NMNAT1: variants seen among roughly 807,000 people sequenced by gnomAD.
The protein encoded by NMNAT1 is nicotinamide/nicotinic acid mononucleotide adenylyltransferase 1.
A neutral mutation model predicts 16.7 loss-of-function variants in NMNAT1; 11 were observed. That is an observed-to-expected ratio of 0.66 (90% CI 0.41 to 1.09). The LOEUF (loss-of-function observed/expected upper bound fraction) is 1.09. NMNAT1 is among the 50% of genes least tolerant of loss of function. The pLI, the probability that NMNAT1 is intolerant of heterozygous loss-of-function variation, is 0.00. For synonymous variants in NMNAT1, 110 were observed against 119.8 expected, an observed-to-expected ratio of 0.92 and a Z score of 0.53; for missense variants, 280 against 332.3, an observed-to-expected ratio of 0.84 and a Z score of 1.22.
At chr1:9,979,932 GA>G (rs919359917) in intron 3 of NMNAT1, among the ~76,000 whole-genome samples, 5 of 142,728 alleles carry the variant, frequency 3.5e-5, no homozygotes, top group African/African-American at 1.2e-4. Flanking sequence ...ATGTTGAGAA[GA>G]TTTTTTTTTT....
chr1:9,977,589 G>A lies in NMNAT1; in HGVS notation c.299+1814G>A, dbSNP rs146685918. On this transcript the variant is annotated intron_variant, in intron 3 of 4. Transcript: ENST00000377205. Reference sequence around the variant, plus strand: ...AAAAGTACTTAAAAGAGCTGAGGCCGGGCGTGGTAGCTCATGACTATAATC... The same window carrying A: ...AAAAGTACTTAAAAGAGCTGAGGCCAGGCGTGGTAGCTCATGACTATAATC... 3.5e-3 allele frequency among the ~76,000 whole-genome samples: 540 copies of A among 152,184 alleles called. 13 individuals carry two copies. The highest frequency in any genetic ancestry group is 0.031 in the Admixed American group (466 of 15,232).
At chr1:9,949,390 T>C (rs1476121492) in intron 1 of NMNAT1, among the ~76,000 whole-genome samples, 1 of 149,288 alleles carries the variant, frequency 6.7e-6, no homozygotes, top group Non-Finnish European at 1.5e-5. Context: ...TGGTTATTTT[T>C]ACTCTAAAAT....
chr1:9,986,451 G>C (rs191162630), downstream of NMNAT1, among the ~76,000 whole-genome samples: 325 of 152,294 alleles, frequency 2.1e-3, 3 homozygotes, highest in African/African-American at 7.3e-3. Flanking sequence ...TGGTGGCTCA[G>C]CCAGGCTTGG....
chr1:9,987,103 CAGG>C (rs1345595973), downstream of NMNAT1, among the ~76,000 whole-genome samples: 2 of 150,580 alleles, frequency 1.3e-5, no homozygotes, highest in Non-Finnish European at 3.0e-5. Flanking sequence ...GAGGCTGAGG[CAGG>C]AGAATTGCTT....
chr1:9,962,411 G>A (rs1374357051), intron 1 of NMNAT1, among the ~76,000 whole-genome samples: 5 of 150,852 alleles, frequency 3.3e-5, no homozygotes, highest in African/African-American at 9.7e-5. Context: ...GAACCCGGGA[G>A]GCGGAGCTTG....
intron 1 of NMNAT1, among the ~76,000 whole-genome samples, chr1:9,959,161 C>T (rs1215199569): frequency 2.6e-5 from 4 of 152,204 alleles, no homozygotes; most frequent in East Asian, 3.9e-4. Flanking sequence ...CACCTGAGAT[C>T]GGGAGTTTGA....
intron 3 of NMNAT1, 24 bp downstream of exon 3, chr1:9,975,799 G>A: frequency 1.3e-6 from 2 of 1,580,496 alleles, no homozygotes; most frequent in Non-Finnish European, 1.7e-6. Context: ...AATCAACTTT[G>A]TCAGTTCTGT....
chr1:9,974,879 A>G (rs1641771512), intron 2 of NMNAT1, among the ~76,000 whole-genome samples: 2 of 152,138 alleles, frequency 1.3e-5, no homozygotes, highest in African/African-American at 4.8e-5. Context: ...AGATGGATGG[A>G]TGGATGCTAA....
At chr1:9,963,123 T>A (rs569407068) in intron 1 of NMNAT1, among the ~76,000 whole-genome samples, 14 of 151,594 alleles carry the variant, frequency 9.2e-5, no homozygotes, top group Non-Finnish European at 1.6e-4. Flanking sequence ...GAGGGCTCAA[T>A]TCCAATCTAC....
At chr1:9,965,162 C>A (rs1434310496) in intron 1 of NMNAT1, among the ~76,000 whole-genome samples, 1 of 150,454 alleles carries the variant, frequency 6.6e-6, no homozygotes, top group Non-Finnish European at 1.5e-5. Flanking sequence ...ACTAAAAATA[C>A]AAAAATTAGC....
chr1:9,958,914 A>G (rs1283075696), intron 1 of NMNAT1, among the ~76,000 whole-genome samples: 1 of 152,222 alleles, frequency 6.6e-6, no homozygotes, highest in East Asian at 1.9e-4. Flanking sequence ...CCTATGACAT[A>G]GGACTGTGGT....
At chr1:9,959,373 GAAAAAA>G (rs70998331) in intron 1 of NMNAT1, among the ~76,000 whole-genome samples, 2,010 of 117,458 alleles carry the variant, frequency 0.017, 46 homozygotes, top group African/African-American at 0.057. Flanking sequence ...CTCCATCTTG[GAAAAAA>G]AAAAAAAAAA....
At chr1:9,950,895 C>A (rs1641091681) in intron 1 of NMNAT1, among the ~76,000 whole-genome samples, 1 of 152,020 alleles carries the variant, frequency 6.6e-6, no homozygotes, top group Non-Finnish European at 1.5e-5. Context: ...TCAAGACTAG[C>A]CTGGCCAACA....
downstream of NMNAT1, among the ~76,000 whole-genome samples, chr1:9,988,850 G>C (rs1175058841): frequency 6.6e-6 from 1 of 151,530 alleles, no homozygotes; most frequent in African/African-American, 2.4e-5. Flanking sequence ...ATTCTTAGTA[G>C]AGATGGGGTT....
chr1:9,964,307 A>G lies in NMNAT1; in HGVS notation c.-56-7711A>G, dbSNP rs151270774. Among the ~76,000 whole-genome samples, 18 of 151,502 alleles carry G rather than the reference A, an allele frequency of 1.2e-4. No homozygotes were observed. The South Asian group carries it at 3.3e-3, about 28-fold the overall frequency. ...GGTCTTGAAATCCTGGGCTCAAGCA[A>G]TCCTCCCACCTCCACTTCCCAAAGT... On this transcript the variant is annotated intron_variant, in intron 1 of 4. Transcript: ENST00000377205.
At chr1:9,946,022 G>A (rs1314942806) in intron 1 of NMNAT1, among the ~76,000 whole-genome samples, 5 of 152,102 alleles carry the variant, frequency 3.3e-5, no homozygotes, top group African/African-American at 4.8e-5. Context: ...GCAAAGTGCC[G>A]GAATTACAGG....
chr1:9,943,547 T>C (rs1199148335), intron 1 of NMNAT1, 32 bp downstream of exon 1: 1 of 152,312 alleles, frequency 6.6e-6, no homozygotes, highest in Non-Finnish European at 1.5e-5. Context: ...CCTGAGAAAC[T>C]GGTCGCTTTT....
In NMNAT1 at chr1:9,979,695, G is replaced by A. The variant is rs571234912; in HGVS notation, c.300-1336G>A. On this transcript the variant is annotated intron_variant, in intron 3 of 4. Transcript: ENST00000377205. ...TGGGCGCCTGTAGTCCCAGCTACTCGGGAGGCTGAAGCAGGAGAATGGCGT... is the reference window on the plus strand; with the variant it reads ...TGGGCGCCTGTAGTCCCAGCTACTCAGGAGGCTGAAGCAGGAGAATGGCGT... 5.3e-5 allele frequency among the ~76,000 whole-genome samples: 8 copies of A among 151,556 alleles called. No homozygotes were observed. The East Asian group carries it at 9.9e-4, about 19-fold the overall frequency.
downstream of NMNAT1, among the ~76,000 whole-genome samples, chr1:9,986,126 G>A (rs533666613): frequency 2.6e-5 from 4 of 152,262 alleles, no homozygotes; most frequent in East Asian, 1.9e-4. Flanking sequence ...ATGACTTGCC[G>A]TGGACAGTAT....
Sources: gnomAD v4.1 joint callset for allele counts (sites outside exome capture counted in the v4.1 genomes callset) on GRCh38, gnomAD v4.1.1 for gene constraint, MANE v1.5 for transcripts, NCBI Gene and HGNC (gene_info 2026-07-23, HGNC 2026-07-21) for gene names.